The following NEU1 variants were observed in gnomAD, a reference collection of about 807,000 sequenced individuals.
The protein encoded by NEU1 is sialidase-1.
A neutral mutation model predicts 38.3 loss-of-function variants in NEU1; 32 were observed. That is an observed-to-expected ratio of 0.84 (90% CI 0.63 to 1.12). NEU1 has a LOEUF of 1.12. NEU1 is among the 50% of genes most tolerant of loss of function. The pLI is 0.00. For missense variants in NEU1, 431 were observed against 549.2 expected, an observed-to-expected ratio of 0.78 and a Z score of 2.15; for synonymous variants, 192 against 225.2, an observed-to-expected ratio of 0.85 and a Z score of 1.32.
At position 31,862,684 on chromosome 6, in the gene NEU1, A is replaced by C; in HGVS notation, c.93T>G (p.Phe31Leu). Residue 31 changes from phenylalanine to leucine, a missense_variant, in exon 1 of 6, where the codon TTT becomes TTG. By Grantham distance (22) the Phe-to-Leu change is conservative (BLOSUM62 0). Coordinates refer to ENST00000375631, the MANE Select transcript of NEU1 (RefSeq NM_000434.4). The surrounding 1 kb of genome is among the most constrained non-coding windows in gnomAD (Gnocchi z 6.3). ...GFWGGCRVWV[F>L]AAIFLLLSLA... is the part of the protein sequence containing the mutation. ...GAGACAGCAGCAGGAAGATCGCGGC[A>C]AACACCCAAACCCTACAGCCTCCCC... is the stretch of plus-strand genomic sequence containing the variant. The C allele has an allele frequency of 6.2e-7, 1 of 1,613,000 alleles. No homozygotes were observed. The highest frequency in any genetic ancestry group is 2.2e-5 in the East Asian group (1 of 44,874).
chr6:31,858,282 G>A lies in NEU1; in HGVS notation c.*1437C>T, dbSNP rs1308401307. 1 of 151,986 alleles carries A rather than the reference G, an allele frequency of 6.6e-6. No individual in the cohort carries two copies. The highest frequency in any genetic ancestry group is 1.5e-5 in the Non-Finnish European group (1 of 68,018). The allele number at this position is 151,986 out of a possible 1,614,324, so 9.4% of individuals were successfully genotyped here. A position where few individuals can be genotyped will look rare whatever the true frequency, so the allele number is the denominator to read the frequency against. ...GCTCAGCAGTTTGAGACCAACCTAG[G>A]CAATATAGTGAGACTTTGTCTCTAC... On this transcript the variant is annotated 3_prime_UTR_variant, in exon 6 of 6. Coordinates refer to ENST00000375631, the MANE Select transcript of NEU1 (RefSeq NM_000434.4).
In NEU1 at chr6:31,860,041, C is replaced by A. The variant is rs1486980139; in HGVS notation, c.1021+1G>T. The A allele has an allele frequency of 1.2e-6, 2 of 1,612,896 alleles. No homozygotes were observed. Among genetic ancestry groups the A allele is most frequent in the Non-Finnish European group, 1.7e-6 (2 of 1,179,980 alleles). ...GCTGACCCCACCCATGAGGCACTCA[C>A]GGAACTCTGGATGTGCTGGGTTGGA... On this transcript the variant is annotated splice_donor_variant, in intron 5 of 5. Transcript: ENST00000375631. LOFTEE classifies it high-confidence loss of function. This position sits in a 1 kb window ranked among gnomAD's most constrained non-coding sequence, Gnocchi z 4.8.
In NEU1 at chr6:31,862,768, C is replaced by T; in HGVS notation, c.9G>A (p.Gly3=). Residue 3 remains glycine, a synonymous_variant, in exon 1 of 6, where the codon GGG becomes GGA. Transcript: ENST00000375631. The surrounding 1 kb of genome is among the most constrained non-coding windows in gnomAD (Gnocchi z 6.3). ...CCGGGAGCGCCGTGCTGGGTCGCTC[C>T]CCAGTCATCTCTCCCCGCAGCTGCC... is the stretch of plus-strand genomic sequence containing the variant. MT[G]ERPSTALPDR... 2 of 1,612,854 alleles carry T rather than the reference C, an allele frequency of 1.2e-6. No individual in the cohort carries two copies. The highest frequency in any genetic ancestry group is 1.1e-5 in the South Asian group (1 of 91,080).
chr6:31,860,000 A>T (rs755539750), intron 5 of NEU1, 42 bp downstream of exon 5: 2 of 1,612,586 alleles, frequency 1.2e-6, no homozygotes, highest in Non-Finnish European at 8.5e-7. Flanking sequence ...CCTTGTCTAG[A>T]CACAGGGCTC....
chr6:31,862,320 G>C lies in NEU1; in HGVS notation c.160-129C>G, dbSNP rs1762554831. The C allele has an allele frequency of 9.2e-7, 1 of 1,088,566 alleles. No homozygotes were observed. The highest frequency in any genetic ancestry group is 1.6e-5 in the African/African-American group (1 of 64,068). The allele number at this position is 1,088,566 out of a possible 1,614,324, so 67.4% of individuals were successfully genotyped here. ...GGGGATGGGGTCCCAGAACAAGAAA[G>C]AGGAACACGAAGGGGAGTTTGGAGC... is the stretch of plus-strand genomic sequence containing the variant. On this transcript the variant is annotated intron_variant, in intron 1 of 5. Coordinates refer to ENST00000375631, the MANE Select transcript of NEU1 (RefSeq NM_000434.4). This position sits in a 1 kb window ranked among gnomAD's most constrained non-coding sequence, Gnocchi z 6.3.
Position 31,859,686 on chromosome 6 carries a change from G to A in NEU1, c.*33C>T, listed in dbSNP as rs760168434. ...CCCGTGTTCCTGAAGGCAGAGTCCT[G>A]AAGGCAGAATACCCCTGTGGCAGTG... On this transcript the variant is annotated 3_prime_UTR_variant, in exon 6 of 6. Coordinates refer to ENST00000375631, the MANE Select transcript of NEU1 (RefSeq NM_000434.4). 1 of 1,604,114 alleles carries A rather than the reference G, an allele frequency of 6.2e-7. No individual in the cohort carries two copies. The highest frequency in any genetic ancestry group is 8.5e-7 in the Non-Finnish European group (1 of 1,173,204).
Position 31,862,809 on chromosome 6 carries a change from A to C in NEU1, c.-33T>G. 6.2e-7 allele frequency: 1 copy of C among 1,611,686 alleles called. No individual in the cohort carries two copies. Among genetic ancestry groups the C allele is most frequent in the Non-Finnish European group, 8.5e-7 (1 of 1,179,510 alleles). On this transcript the variant is annotated 5_prime_UTR_variant, in exon 1 of 6. Transcript: ENST00000375631. The surrounding 1 kb of genome is among the most constrained non-coding windows in gnomAD (Gnocchi z 6.3). Reference sequence around the variant, plus strand: ...CGCAGCTGCCGCGACCCTGGCAGCTAGACTCCACAGAGTCGGGAGTCAGCT... The same window carrying C: ...CGCAGCTGCCGCGACCCTGGCAGCTCGACTCCACAGAGTCGGGAGTCAGCT...
rs1280558062 is a variant in NEU1, at chr6:31,860,486, A to G, written c.751T>C (p.Tyr251His). The G allele has an allele frequency of 1.9e-6, 3 of 1,614,004 alleles. No homozygotes were observed. Among genetic ancestry groups the G allele is most frequent in the Non-Finnish European group, 2.5e-6 (3 of 1,180,000 alleles). ...TCATTTTCCTGCTTGGGCTGACCGT[A>G]GGGGATGCCGCTGACCCCACTTCCG... ...RYGSGVSGIP[Y>H]GQPKQENDFN... Residue 251 changes from tyrosine (Y) to histidine (H), a missense_variant, in exon 4 of 6, where the codon TAC (tyrosine) becomes CAC (histidine). By Grantham distance (83) the Tyr-to-His change is moderately conservative (BLOSUM62 2). Transcript: ENST00000375631. The surrounding 1 kb of genome is among the most constrained non-coding windows in gnomAD (Gnocchi z 4.8).
rs562222255 is a variant in NEU1 at position 31,859,558 on chromosome 6, A to C, written c.*161T>G. On this transcript the variant is annotated 3_prime_UTR_variant, in exon 6 of 6. Transcript: ENST00000375631. The stretch of plus-strand genomic sequence containing the variant: ...AGAGGACGCCTAGCTTTCAGTCCTA[A>C]AGGAAGTGATTTCCCTGGTAAAGGG... The C allele has an allele frequency of 4.0e-6, 3 of 756,080 alleles. No individual in the cohort carries two copies. In the South Asian group the frequency reaches 4.4e-5, roughly 11 times the overall value. 46.8% of individuals were successfully genotyped at this position (756,080 alleles called of 1,614,324 possible).
chr6:31,862,277 T>TAATGGGGATCCCGAGTAGGG lies in NEU1; in HGVS notation c.160-106_160-87dup. The TAATGGGGATCCCGAGTAGGG allele has an allele frequency of 7.1e-7, 1 of 1,415,950 alleles. No homozygotes were observed. Among genetic ancestry groups the TAATGGGGATCCCGAGTAGGG allele is most frequent in the Non-Finnish European group, 9.9e-7 (1 of 1,014,764 alleles). 87.7% of individuals were successfully genotyped at this position (1,415,950 alleles called of 1,614,324 possible). A position where few individuals can be genotyped will look rare whatever the true frequency, so the allele number is the denominator to read the frequency against. ...ACGTTCCGATGGGAGAGGGAGGATCTAATGGGGATCCCGAGTAGGGGATGG... is the reference window on the plus strand; with the variant it reads ...ACGTTCCGATGGGAGAGGGAGGATCTAATGGGGATCCCGAGTAGGGAATGGGGATCCCGAGTAGGGGATGG... On this transcript the variant is annotated intron_variant, in intron 1 of 5. Transcript: ENST00000375631. This position sits in a 1 kb window ranked among gnomAD's most constrained non-coding sequence, Gnocchi z 6.3.
In NEU1 at chr6:31,861,440, C is replaced by A. The variant is rs776933613; in HGVS notation, c.363G>T (p.Trp121Cys). 2 of 1,612,876 alleles carry A rather than the reference C, an allele frequency of 1.2e-6. No homozygotes were observed. The highest frequency in any genetic ancestry group is 1.7e-6 in the Non-Finnish European group (2 of 1,180,038). The change falls in exon 3 of 6, where the codon TGG becomes TGT. Residue 121 changes from tryptophan to cysteine, a missense_variant. Physicochemically the swap from Trp to Cys is radical, Grantham distance 215. Transcript: ENST00000375631. ...CATTGACAATGAACGCTGTAGGAGA[C>A]CATGTGCTGCCTGAAAAAAATTGGA... ...LRRSMDQGSTWSPTAFIVNDG... is the reference protein window; with the variant it reads ...LRRSMDQGSTCSPTAFIVNDG...
In NEU1 at chr6:31,862,477, G is replaced by C. The variant is rs943137668; in HGVS notation, c.159+141C>G. 1 of 1,217,540 alleles carries C rather than the reference G, an allele frequency of 8.2e-7. No individual in the cohort carries two copies. The highest frequency in any genetic ancestry group is 1.3e-5 in the South Asian group (1 of 75,732). 75.4% of individuals were successfully genotyped at this position (1,217,540 alleles called of 1,614,324 possible). A position where few individuals can be genotyped will look rare whatever the true frequency, so the allele number is the denominator to read the frequency against. On this transcript the variant is annotated intron_variant, in intron 1 of 5. Transcript: ENST00000375631. The surrounding 1 kb of genome is among the most constrained non-coding windows in gnomAD (Gnocchi z 6.3). ...GGACCCGGAGAGGGAGAGGGGCTGG[G>C]AGCGGTAGGAGGAAACGGGGTCTGG... is the stretch of plus-strand genomic sequence containing the variant.
In NEU1 at chr6:31,860,614, C is replaced by T. The variant is rs375104221; in HGVS notation, c.623G>A (p.Arg208Gln). 3.2e-5 allele frequency: 52 copies of T among 1,613,584 alleles called. 1 individual carries two copies. In the Admixed American group the frequency reaches 3.8e-4, roughly 12 times the overall value. ...PGPGSGIQKQ[R>Q]EPRKGRLIVC... ...GATGAGGCGGCCCTTCCGTGGCTCC[C>T]GCTGTTTCTGTGGGAAAGGGAACTG... is the stretch of plus-strand genomic sequence containing the variant. Residue 208 changes from arginine (R) to glutamine (Q), a missense_variant, in exon 4 of 6, where the codon CGG (arginine) becomes CAG (glutamine). Coordinates refer to ENST00000375631, the MANE Select transcript of NEU1 (RefSeq NM_000434.4). The surrounding 1 kb of genome is among the most constrained non-coding windows in gnomAD (Gnocchi z 4.8).
rs1372198804 is a variant in NEU1, at chr6:31,859,249, G to C, written c.*470C>G. On this transcript the variant is annotated 3_prime_UTR_variant, in exon 6 of 6. Transcript: ENST00000375631. ...AAAAATTTTAAGTTACAAACATTTT[G>C]ATTGATAGTCAGTCATGGTGGTGCA... 1 of 263,382 alleles carries C rather than the reference G, an allele frequency of 3.8e-6. No homozygotes were observed. Among genetic ancestry groups the C allele is most frequent in the Non-Finnish European group, 7.4e-6 (1 of 134,364 alleles). The allele number at this position is 263,382 out of a possible 1,614,324, so 16.3% of individuals were successfully genotyped here.
rs760220012 is a variant in NEU1 at position 31,862,752 on chromosome 6, C to T, written c.25G>A (p.Ala9Thr). Residue 9 changes from alanine to threonine, a missense_variant, in exon 1 of 6, where the codon GCG (alanine) becomes ACG (threonine). Transcript: ENST00000375631. The surrounding 1 kb of genome is among the most constrained non-coding windows in gnomAD (Gnocchi z 6.3). The stretch of plus-strand genomic sequence containing the variant: ...GGCCCCCAGCGTCTGTCCGGGAGCG[C>T]CGTGCTGGGTCGCTCCCCAGTCATC... MTGERPST[A>T]LPDRRWGPRI... 7 of 1,612,974 alleles carry T rather than the reference C, an allele frequency of 4.3e-6. No homozygotes were observed. Among genetic ancestry groups the T allele is most frequent in the Non-Finnish European group, 5.9e-6 (7 of 1,180,014 alleles).
At chr6:31,861,006 G>T in intron 3 of NEU1, 182 bp downstream of exon 3, 1 of 794,446 alleles carries the variant, frequency 1.3e-6, no homozygotes, top group Non-Finnish European at 2.0e-6. Context: ...GGAAGCCAAT[G>T]GCAGAGTTCC....
Position 31,860,553 on chromosome 6 carries a change from G to A in NEU1, c.684C>T (p.Val228=), listed in dbSNP as rs567879636. ...CGHGTLERDG[V]FCLLSDDHGA... ...CATGATCATCGCTGAGGAGACAGAA[G>A]ACTCCGTCCCGCTCCAGCGTCCCAT... Residue 228 remains valine, a synonymous_variant, in exon 4 of 6, where the codon GTC becomes GTT. Transcript: ENST00000375631. This position sits in a 1 kb window ranked among gnomAD's most constrained non-coding sequence, Gnocchi z 4.8. 3 of 1,614,102 alleles carry A rather than the reference G, an allele frequency of 1.9e-6. No individual in the cohort carries two copies. In the South Asian group the frequency reaches 3.3e-5, roughly 18 times the overall value.
In NEU1 at chr6:31,859,509, A is replaced by T. The variant is rs13118; in HGVS notation, c.*210T>A. The T allele has an allele frequency of 0.042, 27,400 of 657,548 alleles. 813 individuals carry two copies. The highest frequency in any genetic ancestry group is 0.1 in the African/African-American group (5,622 of 56,054). The allele number at this position is 657,548 out of a possible 1,614,324, so 40.7% of individuals were successfully genotyped here. A position where few individuals can be genotyped will look rare whatever the true frequency, so the allele number is the denominator to read the frequency against. Reference sequence around the variant, plus strand: ...CCATATGGAAAGACAGTATTCTCAGATGAGGGCAGGACTTTTTTGTGGGAG... The same window carrying T: ...CCATATGGAAAGACAGTATTCTCAGTTGAGGGCAGGACTTTTTTGTGGGAG... On this transcript the variant is annotated 3_prime_UTR_variant, in exon 6 of 6. Coordinates refer to ENST00000375631, the MANE Select transcript of NEU1 (RefSeq NM_000434.4).
chr6:31,862,088 C>G lies in NEU1; in HGVS notation c.263G>C (p.Gly88Ala), dbSNP rs34712643. 6,907 of 1,613,086 alleles carry G rather than the reference C, an allele frequency of 4.3e-3. 235 individuals are homozygous for G. In the African/African-American group the frequency reaches 0.077, roughly 18 times the overall value. ...CGCCTCAGCAAAGGCGAGAAGAGTG[C>G]CCCGCGGAGTGGCTGTGATGAGCGG... The part of the protein sequence containing the change: ...RIPLITATPR[G>A]TLLAFAEARK... The change falls in exon 2 of 6, where the codon GGC becomes GCC. Residue 88 changes from glycine to alanine, a missense_variant. Coordinates refer to ENST00000375631, the MANE Select transcript of NEU1 (RefSeq NM_000434.4). The surrounding 1 kb of genome is among the most constrained non-coding windows in gnomAD (Gnocchi z 6.3).
Sources: allele counts gnomAD v4.1 joint callset, GRCh38; gene constraint gnomAD v4.1.1; non-coding constraint Gnocchi (gnomAD v3.1); transcripts MANE v1.5; gene names NCBI Gene and HGNC (gene_info 2026-07-23, HGNC 2026-07-21).